DNMT1: variants seen among roughly 807,000 people sequenced by gnomAD.
DNMT1 encodes DNA (cytosine-5)-methyltransferase 1.
In DNMT1, 24 loss-of-function variants were observed where a neutral mutation model predicts 205.3. The ratio of observed to expected loss-of-function variants is 0.12; its 90% confidence interval spans 0.08 to 0.16. The LOEUF (loss-of-function observed/expected upper bound fraction) is 0.16, where lower values mean the gene tolerates loss of function less well. Ranked by LOEUF, DNMT1 falls within the 10% of genes least tolerant of loss-of-function variation. The pLI is 1.00. For synonymous variants in DNMT1, 817 were observed against 839.8 expected, an observed-to-expected ratio of 0.97 and a Z score of 0.47; for missense variants, 1,293 against 2,177.7, an observed-to-expected ratio of 0.59 and a Z score of 8.09.
intron 26 of DNMT1, 65 bp downstream of exon 26, chr19:10,149,388 G>T (rs899734840): frequency 4.0e-6 from 6 of 1,506,758 alleles, no homozygotes; most frequent in South Asian, 1.1e-5. Context: ...AAACAAAACA[G>T]AACGCACGTC....
At chr19:10,194,480 G>C in intron 1 of DNMT1, 1 of 217,014 alleles carries the variant, frequency 4.6e-6, no homozygotes, top group Non-Finnish European at 9.3e-6. Flanking sequence ...GACCAAGCTG[G>C]AGTCAAGAGC....
chr19:10,134,389 C>T lies in DNMT1; in HGVS notation c.4774-82G>A, dbSNP rs1044834067. ...GGCAGGTGTACTGCCAGCCCCTGCTCAGATGGAGGACAACCTGGGCATTGC... is the reference window on the plus strand; with the variant it reads ...GGCAGGTGTACTGCCAGCCCCTGCTTAGATGGAGGACAACCTGGGCATTGC... On this transcript the variant is annotated intron_variant, in intron 39 of 40. Coordinates refer to ENST00000359526, the MANE Select transcript of DNMT1 (RefSeq NM_001130823.3). 2.7e-5 allele frequency: 36 copies of T among 1,333,828 alleles called. No homozygotes were observed. In the South Asian group the frequency reaches 3.6e-4, roughly 13 times the overall value. 82.6% of individuals were successfully genotyped at this position (1,333,828 alleles called of 1,614,324 possible).
In DNMT1 at chr19:10,146,550, A is replaced by C. The variant is rs1226830089; in HGVS notation, c.2721-26T>G. On this transcript the variant is annotated intron_variant, in intron 27 of 40. Coordinates refer to ENST00000359526, the MANE Select transcript of DNMT1 (RefSeq NM_001130823.3). The surrounding 1 kb of genome is among the most constrained non-coding windows in gnomAD (Gnocchi z 4.4). ...CTGAAGGAAACAAAGGGACAGAAAC[A>C]TAAGGCCCTGAGGTGGCCGGCAGTG... 6.2e-7 allele frequency: 1 copy of C among 1,613,720 alleles called. No individual in the cohort carries two copies. Among genetic ancestry groups the C allele is most frequent in the Admixed American group, 1.7e-5 (1 of 60,006 alleles).
Position 10,191,455 on chromosome 19 carries a change from A to G in DNMT1, c.80+3365T>C, listed in dbSNP as rs754008303. ...TCAAAAGCAGTCCTCCAAAACTCCA[A>G]TGCCTACAGTGAAGCAATCTGAGTG... On this transcript the variant is annotated intron_variant, in intron 1 of 40. Transcript: ENST00000359526. Among the ~76,000 whole-genome samples, 259 of 152,078 alleles carry G rather than the reference A, an allele frequency of 1.7e-3. 2 individuals are homozygous for G. The highest frequency in any genetic ancestry group is 4.6e-4 in the Admixed American group (7 of 15,246).
At chr19:10,152,436 G>A (rs1568232979) in intron 22 of DNMT1, among the ~76,000 whole-genome samples, 2 of 151,404 alleles carry the variant, frequency 1.3e-5, no homozygotes, top group African/African-American at 4.9e-5. Context: ...AGACCAGCCT[G>A]GGCAACATAT....
intron 6 of DNMT1, among the ~76,000 whole-genome samples, chr19:10,176,952 A>G (rs1446423772): frequency 6.6e-6 from 1 of 152,156 alleles, no homozygotes; most frequent in Non-Finnish European, 1.5e-5. Flanking sequence ...GAAATATACT[A>G]AACTATATAT....
chr19:10,177,924 CCT>C (rs2038965448), intron 5 of DNMT1, among the ~76,000 whole-genome samples: 1 of 147,666 alleles, frequency 6.8e-6, no homozygotes, highest in Non-Finnish European at 1.5e-5. Flanking sequence ...AGAGCAAGAC[CCT>C]GTCTCTTAAA....
At chr19:10,149,043 G>C (rs999342914) in intron 26 of DNMT1, 26 bp from the exon 27 acceptor site, 28 of 1,612,992 alleles carry the variant, frequency 1.7e-5, no homozygotes, top group Non-Finnish European at 2.2e-5. Context: ...TGCGTGTCAG[G>C]CCAGGCGCAG....
chr19:10,168,890 T>G (rs139951869), intron 9 of DNMT1, among the ~76,000 whole-genome samples: 1 of 152,156 alleles, frequency 6.6e-6, no homozygotes, highest in East Asian at 1.9e-4. Context: ...CAGGCTGGAG[T>G]GCAGTGGTGT....
Position 10,156,401 on chromosome 19 carries a change from T to C in DNMT1, c.1389A>G (p.Pro463=), listed in dbSNP as rs2228611. Residue 463 remains proline (P), a synonymous_variant, in exon 18 of 41, where the codon CCA becomes CCG. Coordinates refer to ENST00000359526, the MANE Select transcript of DNMT1 (RefSeq NM_001130823.3). The surrounding 1 kb of genome is among the most constrained non-coding windows in gnomAD (Gnocchi z 4.2). ...CGGACTATTCCTTACCTTCAAGAGATGGGTCATCATCATAGATTGGTTTTG... is the reference window on the plus strand; with the variant it reads ...CGGACTATTCCTTACCTTCAAGAGACGGGTCATCATCATAGATTGGTTTTG... ...GSAKPIYDDD[P]SLEGGVNGKN... 810,084 of 1,605,870 alleles carry C rather than the reference T, an allele frequency of 0.5. 205,839 individuals are homozygous for C. The highest frequency in any genetic ancestry group is 0.63 in the East Asian group (28,046 of 44,656).
In DNMT1 at chr19:10,155,000, G is replaced by A; in HGVS notation, c.1549C>T (p.Leu517=). Residue 517 remains leucine (L), a synonymous_variant, in exon 20 of 41, where the codon CTG becomes TTG. Coordinates refer to ENST00000359526, the MANE Select transcript of DNMT1 (RefSeq NM_001130823.3). The surrounding 1 kb of genome is among the most constrained non-coding windows in gnomAD (Gnocchi z 6.3). ...CTGATGTAGATCTTCTCCTGCATCA[G>A]CCCAAATATGGGCGCATACTCGGGA... ...PSPEYAPIFG[L]MQEKIYISKI... is the part of the protein sequence containing the mutation. 1 of 1,614,062 alleles carries A rather than the reference G, an allele frequency of 6.2e-7. No individual in the cohort carries two copies. Among genetic ancestry groups the A allele is most frequent in the Non-Finnish European group, 8.5e-7 (1 of 1,180,002 alleles).
chr19:10,148,365 A>G (rs12611271), intron 27 of DNMT1, among the ~76,000 whole-genome samples: 35,903 of 149,298 alleles, frequency 0.24, 4,466 homozygotes, highest in Middle Eastern at 0.33. Flanking sequence ...GTGTGGTGGC[A>G]GGCGCCTGTA....
intron 19 of DNMT1, 56 bp downstream of exon 19, chr19:10,155,797 A>G (rs2038445452): frequency 6.4e-7 from 1 of 1,554,944 alleles, no homozygotes; most frequent in Non-Finnish European, 8.8e-7. Flanking sequence ...CCCAGGAAGG[A>G]GAACATGAAG....
intron 27 of DNMT1, among the ~76,000 whole-genome samples, chr19:10,148,056 C>T (rs1260644739): frequency 3.1e-5 from 4 of 129,122 alleles, no homozygotes; most frequent in South Asian, 2.7e-4. Flanking sequence ...GTAGAGGTTG[C>T]GGTGGGCCAA....
intron 8 of DNMT1, 115 bp from the exon 9 acceptor site, chr19:10,173,289 C>T (rs2038863388): frequency 1.0e-6 from 1 of 972,270 alleles, no homozygotes; most frequent in South Asian, 1.3e-5. Flanking sequence ...CTCAGGAGCC[C>T]TGACAGACAC....
At chr19:10,172,018 A>AG (rs1279609210) in intron 9 of DNMT1, among the ~76,000 whole-genome samples, 1 of 151,582 alleles carries the variant, frequency 6.6e-6, no homozygotes, top group African/African-American at 2.4e-5. Context: ...AAAAAAAAAA[A>AG]TTAAATTAAA....
At position 10,180,229 on chromosome 19, in the gene DNMT1, T is replaced by C. The variant is rs779169075; in HGVS notation, c.451A>G (p.Arg151Gly). 6.4e-6 allele frequency: 8 copies of C among 1,248,190 alleles called. 1 individual carries two copies. The South Asian group carries it at 1.0e-4, about 16-fold the overall frequency. 77.3% of individuals were successfully genotyped at this position (1,248,190 alleles called of 1,614,324 possible). Residue 151 changes from arginine to glycine, a missense_variant, in exon 5 of 41, where the codon AGA (arginine) becomes GGA (glycine). By Grantham distance (125) the Arg-to-Gly change is moderately radical (BLOSUM62 -2). Around this residue, in one of 13 missense-constraint regions of DNMT1, gnomAD observed 394 missense variants for 451.6 expected, o/e 0.87. Coordinates refer to ENST00000359526, the MANE Select transcript of DNMT1 (RefSeq NM_001130823.3). ...SKSDGEAKRS[R>G]DPPASASQVT... ...TGGGAGGCTGAGGCAGGAGGGTCTC[T>C]TGAACCTGGGAGGCAGAGGTTACAG...
intron 3 of DNMT1, 82 bp downstream of exon 3, chr19:10,180,696 G>A: frequency 6.7e-7 from 1 of 1,495,194 alleles, no homozygotes; most frequent in South Asian, 1.1e-5. Flanking sequence ...GACAGCTGGG[G>A]ATCTTGCTGC....
Position 10,138,384 on chromosome 19 carries a change from A to G in DNMT1, c.4115+55T>C. 6.2e-7 allele frequency: 1 copy of G among 1,612,078 alleles called. No individual in the cohort carries two copies. Among genetic ancestry groups the G allele is most frequent in the Non-Finnish European group, 8.5e-7 (1 of 1,179,460 alleles). On this transcript the variant is annotated intron_variant, in intron 35 of 40. Transcript: ENST00000359526. The surrounding 1 kb of genome is among the most constrained non-coding windows in gnomAD (Gnocchi z 4.1). ...TCACCAGGGAGTACTCACGGGCCCC[A>G]TGAGCTACTGAGGCCTGCTCGGCAG...
Sources: gnomAD v4.1 joint callset for allele counts (sites outside exome capture counted in the v4.1 genomes callset) on GRCh38, gnomAD v4.1.1 for gene constraint, gnomAD v4.1.1 regional missense constraint, Gnocchi (gnomAD v3.1) non-coding constraint, MANE v1.5 for transcripts, NCBI Gene and HGNC (gene_info 2026-07-23, HGNC 2026-07-21) for gene names.